SAMD5: variants seen among roughly 807,000 people sequenced by gnomAD.
SAMD5 encodes sterile alpha motif domain containing 5.
Under a neutral mutation model 11.3 loss-of-function variants are expected in SAMD5, and 13 were observed. The ratio of observed to expected loss-of-function variants is 1.15; its 90% confidence interval spans 0.75 to 1.83. The LOEUF is 1.83. Ranked by LOEUF, SAMD5 falls within the 40% of genes most tolerant of loss-of-function variation. SAMD5 has a pLI of 0.00. For missense variants in SAMD5, 255 were observed against 239.1 expected, an observed-to-expected ratio of 1.07 and a Z score of -0.44; for synonymous variants, 129 against 111.3, an observed-to-expected ratio of 1.16 and a Z score of -1.00.
At chr6:147,651,259 G>A (rs930815120) in intron 1 of SAMD5, among the ~76,000 whole-genome samples, 8 of 152,164 alleles carry the variant, frequency 5.3e-5, no homozygotes, top group Non-Finnish European at 8.8e-5. Context: ...GGTCCAGCTC[G>A]CATTGTAGGA....
the SAMD5 span, among the ~76,000 whole-genome samples, chr6:147,806,645 C>T: frequency 6.6e-6 from 1 of 152,176 alleles, no homozygotes; most frequent in African/African-American, 2.4e-5. Context: ...TTTCTTTCCC[C>T]CCATTTCTTG....
At chr6:147,616,689 G>A (rs1789878322) in intron 1 of SAMD5, among the ~76,000 whole-genome samples, 1 of 152,216 alleles carries the variant, frequency 6.6e-6, no homozygotes, top group Admixed American at 6.5e-5. Context: ...ATAAAGGAAA[G>A]AGGTTTAATT....
At chr6:147,878,057 G>T in the SAMD5 span, among the ~76,000 whole-genome samples, 2 of 151,634 alleles carry the variant, frequency 1.3e-5, no homozygotes, top group Non-Finnish European at 2.9e-5. Context: ...GATTACATGC[G>T]TGAGCCACCA....
At position 147,566,966 on chromosome 6, in the gene SAMD5, A is replaced by T. The variant is rs1417245139; in HGVS notation, c.*2510A>T. ...ATAATATACTTAATTTTTGAATATA[A>T]AAGAAGTAGCAATTGACTAAGAATA... On this transcript the variant is annotated 3_prime_UTR_variant, in exon 2 of 2. Transcript: ENST00000367474. 1 of 858,066 alleles carries T rather than the reference A, an allele frequency of 1.2e-6. No homozygotes were observed. Among genetic ancestry groups the T allele is most frequent in the Non-Finnish European group, 1.4e-6 (1 of 714,266 alleles). 53.2% of individuals were successfully genotyped at this position (858,066 alleles called of 1,614,324 possible). A position where few individuals can be genotyped will look rare whatever the true frequency, so the allele number is the denominator to read the frequency against.
the SAMD5 span, among the ~76,000 whole-genome samples, chr6:147,747,941 T>A: frequency 6.6e-6 from 1 of 152,164 alleles, no homozygotes; most frequent in South Asian, 2.1e-4. Flanking sequence ...CATGCTTGGA[T>A]TTTGGAAAAT....
chr6:147,738,729 C>A (rs1791839369), downstream of SAMD5, among the ~76,000 whole-genome samples: 1 of 152,106 alleles, frequency 6.6e-6, no homozygotes, highest in South Asian at 2.1e-4. Flanking sequence ...GGATGAAAAA[C>A]CATAAACTGA....
chr6:147,795,320 G>T, the SAMD5 span, among the ~76,000 whole-genome samples: 2 of 144,188 alleles, frequency 1.4e-5, no homozygotes, highest in African/African-American at 2.7e-5. Context: ...GCGGTGTTTG[G>T]TTTTTTGTCC....
At position 147,569,102 on chromosome 6, in the gene SAMD5, C is replaced by T. The variant is rs559347301; in HGVS notation, c.*4646C>T. 61 of 169,974 alleles carry T rather than the reference C, an allele frequency of 3.6e-4. No homozygotes were observed. Among genetic ancestry groups the T allele is most frequent in the Non-Finnish European group, 5.1e-4 (43 of 84,668 alleles). 10.5% of individuals were successfully genotyped at this position (169,974 alleles called of 1,614,324 possible). On this transcript the variant is annotated 3_prime_UTR_variant, in exon 2 of 2. Transcript: ENST00000367474. Reference sequence around the variant, plus strand: ...AAAATTAGCTGAGTGTGGTGGTGTGCGCCTGTAATCCCAGCTACTAAGGCA... The same window carrying T: ...AAAATTAGCTGAGTGTGGTGGTGTGTGCCTGTAATCCCAGCTACTAAGGCA...
the SAMD5 span, among the ~76,000 whole-genome samples, chr6:147,804,497 G>A: frequency 1.3e-5 from 2 of 152,178 alleles, no homozygotes; most frequent in African/African-American, 2.4e-5. Context: ...AGCCCTTAAC[G>A]TACAGAGAAG....
At chr6:147,519,600 A>G (rs998470672) in intron 1 of SAMD5, among the ~76,000 whole-genome samples, 38 of 152,300 alleles carry the variant, frequency 2.5e-4, no homozygotes, top group Non-Finnish European at 4.4e-4. Flanking sequence ...TTTATATATC[A>G]TGGTGTTATT....
At chr6:147,511,924 C>A (rs1788096691) in intron 1 of SAMD5, among the ~76,000 whole-genome samples, 1 of 152,168 alleles carries the variant, frequency 6.6e-6, no homozygotes, top group Non-Finnish European at 1.5e-5. Context: ...TCTCCACTTT[C>A]CTTGGCTTTG....
chr6:147,842,986 AGTAGCT>A, the SAMD5 span, among the ~76,000 whole-genome samples: 3 of 152,092 alleles, frequency 2.0e-5, no homozygotes, highest in African/African-American at 7.2e-5. Context: ...CAGCCTCTCA[AGTAGCT>A]GGGATTACAG....
At chr6:147,698,950 T>A (rs73014062) in intron 1 of SAMD5, among the ~76,000 whole-genome samples, 16,119 of 152,162 alleles carry the variant, frequency 0.11, 919 homozygotes, top group Middle Eastern at 0.16. Flanking sequence ...TTTGGCATGT[T>A]TGGGCAACAG....
intron 1 of SAMD5, among the ~76,000 whole-genome samples, chr6:147,541,927 G>C (rs1156334833): frequency 6.6e-6 from 1 of 152,034 alleles, no homozygotes; most frequent in African/African-American, 2.4e-5. Flanking sequence ...ACACCCCATA[G>C]TGGAGCTACA....
chr6:147,803,461 T>G, the SAMD5 span, among the ~76,000 whole-genome samples: 7 of 152,200 alleles, frequency 4.6e-5, no homozygotes, highest in Non-Finnish European at 8.8e-5. Context: ...TGCTGAAGAC[T>G]TATTCTAAAA....
chr6:147,894,431 A>AT, the SAMD5 span, among the ~76,000 whole-genome samples: 2 of 151,988 alleles, frequency 1.3e-5, no homozygotes, highest in African/African-American at 4.8e-5. Flanking sequence ...CTAATGCCAC[A>AT]TTTTTGATAC....
rs187279968 is a variant in SAMD5 at position 147,737,474 on chromosome 6, G to T, written c.*26G>T. 1,148 of 474,302 alleles carry T rather than the reference G, an allele frequency of 2.4e-3. 3 individuals carry two copies. The highest frequency in any genetic ancestry group is 3.2e-3 in the Non-Finnish European group (858 of 270,064). 29.4% of individuals were successfully genotyped at this position (474,302 alleles called of 1,614,324 possible). On this transcript the variant is annotated 3_prime_UTR_variant, in exon 2 of 2. Transcript: ENST00000566741. ...TTTTGCCTCCATTGTGTGTTGTTTTGCCAGAATACTGAAGGCAGTGTTTGT... is the reference window on the plus strand; with the variant it reads ...TTTTGCCTCCATTGTGTGTTGTTTTTCCAGAATACTGAAGGCAGTGTTTGT...
chr6:147,791,605 T>G, the SAMD5 span, among the ~76,000 whole-genome samples: 2 of 152,218 alleles, frequency 1.3e-5, no homozygotes, highest in Admixed American at 6.5e-5. Context: ...ATTGCCTATT[T>G]TATTGTGTAA....
chr6:147,855,919 A>G, the SAMD5 span, among the ~76,000 whole-genome samples: 1 of 152,242 alleles, frequency 6.6e-6, no homozygotes, highest in Non-Finnish European at 1.5e-5. Flanking sequence ...TCATTCCACT[A>G]CAAGATATTT....
Sources: gnomAD v4.1 joint callset for allele counts (sites outside exome capture counted in the v4.1 genomes callset) on GRCh38, gnomAD v4.1.1 for gene constraint, MANE v1.5 for transcripts, NCBI Gene and HGNC (gene_info 2026-07-23, HGNC 2026-07-21) for gene names.